Variants in RPAP2 observed in about 807,000 individuals in gnomAD.
RPAP2 encodes putative RNA polymerase II subunit B1 CTD phosphatase RPAP2.
In RPAP2, 52 loss-of-function variants were observed where a neutral mutation model predicts 73.1. The observed-to-expected ratio is 0.71, with a 90% CI of 0.57 to 0.90. The LOEUF (loss-of-function observed/expected upper bound fraction) is 0.90, where lower values mean the gene tolerates loss of function less well. RPAP2 is among the 40% of genes least tolerant of loss of function. The pLI is 0.00. For synonymous variants in RPAP2, 225 were observed against 242.1 expected, an observed-to-expected ratio of 0.93 and a Z score of 0.65; for missense variants, 598 against 701.8, an observed-to-expected ratio of 0.85 and a Z score of 1.67.
chr1:92,330,314 A>T (rs1326386167), intron 8 of RPAP2, among the ~76,000 whole-genome samples: 2 of 152,154 alleles, frequency 1.3e-5, no homozygotes, highest in African/African-American at 4.8e-5. Context: ...CATTTGGTAA[A>T]ACAAGTTGGG....
intron 6 of RPAP2, among the ~76,000 whole-genome samples, chr1:92,315,946 C>T (rs1651881225): frequency 6.6e-6 from 1 of 152,184 alleles, no homozygotes; most frequent in Non-Finnish European, 1.5e-5. Context: ...TTTTCACCCA[C>T]TTGGTGGCCA....
At chr1:92,364,408 A>G (rs1379862340) in intron 11 of RPAP2, among the ~76,000 whole-genome samples, 1 of 152,172 alleles carries the variant, frequency 6.6e-6, no homozygotes, top group Non-Finnish European at 1.5e-5. Flanking sequence ...CCTAGAAAGA[A>G]AATTGGTCAT....
At position 92,300,239 on chromosome 1, in the gene RPAP2, G is replaced by A; in HGVS notation, c.119G>A (p.Arg40Lys). The change falls in exon 2 of 13, where the codon AGG becomes AAG. Residue 40 changes from arginine to lysine, a missense_variant and splice_region_variant. By Grantham distance (26) the Arg-to-Lys change is conservative. Transcript: ENST00000610020. ...STLKQEDASK[R>K]KAELEAAVRK... ...TTGAAACAAGAAGATGCTTCTAAAAGGTATGACAGCTACATGGACAACTAC... is the reference window on the plus strand; with the variant it reads ...TTGAAACAAGAAGATGCTTCTAAAAAGTATGACAGCTACATGGACAACTAC... 1.2e-6 allele frequency: 2 copies of A among 1,606,014 alleles called. No homozygotes were observed. The highest frequency in any genetic ancestry group is 8.5e-7 in the Non-Finnish European group (1 of 1,173,320).
intron 11 of RPAP2, among the ~76,000 whole-genome samples, chr1:92,357,092 C>CAT (rs1388658294): frequency 1.1e-5 from 1 of 94,778 alleles, no homozygotes; most frequent in African/African-American, 6.7e-5. Flanking sequence ...AAAAGGATTA[C>CAT]ATACACACAC....
chr1:92,334,744 T>A (rs1653175211), intron 9 of RPAP2, among the ~76,000 whole-genome samples: 1 of 152,052 alleles, frequency 6.6e-6, no homozygotes, highest in Admixed American at 6.5e-5. Flanking sequence ...CCCAGCACTT[T>A]GGGAGTCTGA....
At position 92,299,077 on chromosome 1, in the gene RPAP2, G is replaced by A. The variant is rs1443455292; in HGVS notation, c.4G>A (p.Ala2Thr). The change falls in exon 1 of 13, where the codon GCG (alanine) becomes ACG (threonine). Residue 2 changes from alanine (A) to threonine (T), a missense_variant. By Grantham distance (58) the Ala-to-Thr change is moderately conservative (BLOSUM62 0). Transcript: ENST00000610020. M[A>T]DFAGPSSAGR... ...GTCCGGCAGACTACTCTCCCCCATG[G>A]CGGACTTCGCTGGGCCGTCTTCTGC... The A allele has an allele frequency of 9.1e-5, 137 of 1,506,398 alleles. 1 individual carries two copies. Among genetic ancestry groups the A allele is most frequent in the Non-Finnish European group, 1.2e-4 (135 of 1,122,574 alleles). The allele number at this position is 1,506,398 out of a possible 1,614,324, so 93.3% of individuals were successfully genotyped here.
At chr1:92,383,967 C>CTT (rs111870247) in intron 12 of RPAP2, among the ~76,000 whole-genome samples, 8,601 of 149,262 alleles carry the variant, frequency 0.058, 678 homozygotes, top group African/African-American at 0.18. Context: ...ATAAAACAAT[C>CTT]TTTTTTTTTT....
In RPAP2 at chr1:92,389,612, G is replaced by T. The variant is rs1262917615; in HGVS notation, c.*2601G>T. 1 of 152,154 alleles carries T rather than the reference G, an allele frequency of 6.6e-6. No homozygotes were observed. The highest frequency in any genetic ancestry group is 1.9e-4 in the East Asian group (1 of 5,196). The allele number at this position is 152,154 out of a possible 1,614,324, so 9.4% of individuals were successfully genotyped here. ...AAACTTCTCCAAGCTAAAGGAGCAT[G>T]TTCTAATGCGTCGCAAGGAAGCTAA... On this transcript the variant is annotated 3_prime_UTR_variant, in exon 13 of 13. Coordinates refer to ENST00000610020, the MANE Select transcript of RPAP2 (RefSeq NM_024813.3).
intron 11 of RPAP2, 91 bp from the exon 12 acceptor site, chr1:92,380,633 C>T: frequency 4.8e-6 from 4 of 835,556 alleles, no homozygotes; most frequent in African/African-American, 1.8e-5. Flanking sequence ...CTTTATTATT[C>T]TCATAAAATT....
chr1:92,308,400 CCTTT>C (rs1651375852), intron 6 of RPAP2, among the ~76,000 whole-genome samples: 1 of 152,166 alleles, frequency 6.6e-6, no homozygotes. Context: ...TCCTTTTTCT[CCTTT>C]CTTAATATTT....
intron 6 of RPAP2, among the ~76,000 whole-genome samples, chr1:92,312,129 G>A (rs768193887): frequency 1.4e-4 from 21 of 152,180 alleles, no homozygotes; most frequent in Admixed American, 2.0e-4. Context: ...ATTGGAGTCC[G>A]GCCAGGAGCA....
intron 8 of RPAP2, among the ~76,000 whole-genome samples, chr1:92,327,148 T>G (rs1234026147): frequency 1.3e-5 from 2 of 152,228 alleles, no homozygotes; most frequent in Non-Finnish European, 2.9e-5. Flanking sequence ...ATATCAAATA[T>G]TCTCTCAGAC....
In RPAP2 at chr1:92,374,969, A is replaced by G. The variant is rs1235187323; in HGVS notation, c.1689-5755A>G. 5.9e-5 allele frequency among the ~76,000 whole-genome samples: 9 copies of G among 152,154 alleles called. No individual in the cohort carries two copies. In the East Asian group the frequency reaches 1.7e-3, roughly 29 times the overall value. On this transcript the variant is annotated intron_variant, in intron 11 of 12. Transcript: ENST00000610020. ...TGCTCCCCCAAAACCACTGAAATAAAATAAAATTTAATAAATAAATAAAAA... is the reference window on the plus strand; with the variant it reads ...TGCTCCCCCAAAACCACTGAAATAAGATAAAATTTAATAAATAAATAAAAA...
At chr1:92,321,459 C>G (rs1345623928) in intron 7 of RPAP2, among the ~76,000 whole-genome samples, 2 of 151,758 alleles carry the variant, frequency 1.3e-5, no homozygotes, top group East Asian at 3.8e-4. Context: ...TTGCTTTCAA[C>G]TTTTATATAT....
intron 6 of RPAP2, among the ~76,000 whole-genome samples, chr1:92,318,632 A>C (rs1652067090): frequency 6.6e-6 from 1 of 152,166 alleles, no homozygotes; most frequent in African/African-American, 2.4e-5. Flanking sequence ...TATTTTCTTC[A>C]TATGGGCTCT....
Position 92,339,496 on chromosome 1 carries a change from C to T in RPAP2, c.1619+3069C>T, listed in dbSNP as rs533694136. ...AATAATAATAATTTTGGGACAAATA[C>T]CTCACTGACCTTCCCAGTCCCTTGG... is the stretch of plus-strand genomic sequence containing the variant. On this transcript the variant is annotated intron_variant, in intron 10 of 12. Coordinates refer to ENST00000610020, the MANE Select transcript of RPAP2 (RefSeq NM_024813.3). 5.3e-4 allele frequency among the ~76,000 whole-genome samples: 81 copies of T among 152,206 alleles called. 1 individual carries two copies. In the South Asian group the frequency reaches 0.016, roughly 30 times the overall value.
intron 11 of RPAP2, chr1:92,363,715 C>A: frequency 5.6e-6 from 2 of 358,616 alleles, no homozygotes; most frequent in Non-Finnish European, 1.1e-5. Flanking sequence ...TCAGCCTACT[C>A]AATGTGAAGA....
Position 92,387,112 on chromosome 1 carries a change from C to T in RPAP2, c.*101C>T, listed in dbSNP as rs1655897038. On this transcript the variant is annotated 3_prime_UTR_variant, in exon 13 of 13. Coordinates refer to ENST00000610020, the MANE Select transcript of RPAP2 (RefSeq NM_024813.3). The stretch of plus-strand genomic sequence containing the variant: ...GTGGTGACTGATAACTAGTTTTATT[C>T]CAAGACATACCTTTACCTCTTTAAG... 8.4e-7 allele frequency: 1 copy of T among 1,192,840 alleles called. No individual in the cohort carries two copies. The highest frequency in any genetic ancestry group is 1.2e-6 in the Non-Finnish European group (1 of 846,888). 73.9% of individuals were successfully genotyped at this position (1,192,840 alleles called of 1,614,324 possible). A position where few individuals can be genotyped will look rare whatever the true frequency, so the allele number is the denominator to read the frequency against.
At chr1:92,325,711 G>T (rs1160008480) in intron 8 of RPAP2, among the ~76,000 whole-genome samples, 1 of 151,920 alleles carries the variant, frequency 6.6e-6, no homozygotes, top group Non-Finnish European at 1.5e-5. Context: ...AAGTAAACTA[G>T]AAGCCCCATA....
Sources: allele counts gnomAD v4.1 joint callset (sites outside exome capture counted in the v4.1 genomes callset), GRCh38; gene constraint gnomAD v4.1.1; transcripts MANE v1.5; gene names NCBI Gene and HGNC (gene_info 2026-07-23, HGNC 2026-07-21).